The following WRN variants were observed in gnomAD, a reference collection of about 807,000 sequenced individuals.
The protein encoded by WRN is bifunctional 3'-5' exonuclease/ATP-dependent helicase WRN.
A neutral mutation model predicts 180.7 loss-of-function variants in WRN; 149 were observed. That is an observed-to-expected ratio of 0.82 (90% CI 0.72 to 0.94). The LOEUF is 0.94. WRN is among the 40% of genes least tolerant of loss of function. WRN has a pLI of 0.00. For missense variants in WRN, 1,661 were observed against 1,700.1 expected, an observed-to-expected ratio of 0.98 and a Z score of 0.40; for synonymous variants, 548 against 568.9, an observed-to-expected ratio of 0.96 and a Z score of 0.52.
chr8:31,103,337 T>C (rs1217017953), intron 18 of WRN, among the ~76,000 whole-genome samples: 1 of 152,266 alleles, frequency 6.6e-6, no homozygotes, highest in Non-Finnish European at 1.5e-5. Context: ...TCAAGTTATA[T>C]ACTGTATATA....
At chr8:31,163,863 T>G (rs1223373338) in intron 33 of WRN, among the ~76,000 whole-genome samples, 1 of 151,992 alleles carries the variant, frequency 6.6e-6, no homozygotes, top group Non-Finnish European at 1.5e-5. Context: ...TCTTTTTTTT[T>G]TTTTTTTGAG....
chr8:31,049,210 C>CAAAAAAAAAAAAAAA (rs72226104), intron 1 of WRN, among the ~76,000 whole-genome samples: 3 of 31,780 alleles, frequency 9.4e-5, no homozygotes, highest in African/African-American at 1.4e-4. Context: ...GACTCTGTCT[C>CAAAAAAAAAAAAAAA]AAAAAAAAAA....
At chr8:31,051,804 T>G (rs1241084383) in intron 1 of WRN, among the ~76,000 whole-genome samples, 3 of 152,176 alleles carry the variant, frequency 2.0e-5, no homozygotes. Flanking sequence ...GAACTTTCAG[T>G]TTTAGAGCAT....
At chr8:31,162,299 A>C (rs1413224841) in intron 33 of WRN, among the ~76,000 whole-genome samples, 1 of 152,048 alleles carries the variant, frequency 6.6e-6, no homozygotes, top group East Asian at 1.9e-4. Context: ...TTTACTTTTT[A>C]CATTTTTTTT....
chr8:31,137,311 G>GT (rs1237413351), intron 24 of WRN, among the ~76,000 whole-genome samples: 3 of 151,892 alleles, frequency 2.0e-5, no homozygotes, highest in Admixed American at 6.6e-5. Flanking sequence ...CTAATAAATG[G>GT]TTTTTTTATG....
At chr8:31,116,282 A>G (rs1176610070) in intron 19 of WRN, 72 bp from the exon 20 acceptor site, 1 of 1,498,812 alleles carries the variant, frequency 6.7e-7, no homozygotes, top group Non-Finnish European at 9.1e-7. Flanking sequence ...GAATTAAATA[A>G]GATAAAACCA....
At chr8:31,125,970 A>AT (rs1801914342) in intron 23 of WRN, among the ~76,000 whole-genome samples, 1 of 47,918 alleles carries the variant, frequency 2.1e-5, no homozygotes, top group African/African-American at 1.0e-4. Context: ...ACATCATCCT[A>AT]AATATATATA....
At chr8:31,065,797 G>C (rs1338016403) in intron 5 of WRN, among the ~76,000 whole-genome samples, 1 of 151,874 alleles carries the variant, frequency 6.6e-6, no homozygotes, top group African/African-American at 2.4e-5. Context: ...TCTTTCTTTA[G>C]GTCTTTGAGG....
intron 1 of WRN, among the ~76,000 whole-genome samples, chr8:31,056,436 A>G (rs988749442): frequency 4.6e-5 from 7 of 152,220 alleles, no homozygotes; most frequent in Non-Finnish European, 7.3e-5. Flanking sequence ...ATGCTTTACA[A>G]TTAATAAAGC....
In WRN at chr8:31,067,318, T is replaced by A. The variant is rs1342838069; in HGVS notation, c.654+136T>A. On this transcript the variant is annotated intron_variant, in intron 6 of 34. Coordinates refer to ENST00000298139, the MANE Select transcript of WRN (RefSeq NM_000553.6). ...ATATCAATTTGGCATTGAAAAATGC[T>A]TAGGAAGACATTTAGTGAAACTATT... 5 of 1,014,806 alleles carry A rather than the reference T, an allele frequency of 4.9e-6. No homozygotes were observed. The African/African-American group carries it at 6.5e-5, about 13-fold the overall frequency. 62.9% of individuals were successfully genotyped at this position (1,014,806 alleles called of 1,614,324 possible).
At chr8:31,034,856 T>C (rs1054790838) in intron 1 of WRN, among the ~76,000 whole-genome samples, 4 of 152,282 alleles carry the variant, frequency 2.6e-5, no homozygotes, top group Non-Finnish European at 1.5e-5. Flanking sequence ...CTGTAACTCA[T>C]AGGGTATGAG....
intron 33 of WRN, among the ~76,000 whole-genome samples, chr8:31,158,008 G>A (rs1166167296): frequency 6.6e-6 from 1 of 152,162 alleles, no homozygotes; most frequent in African/African-American, 2.4e-5. Context: ...GATTACAGGT[G>A]TGAGCCATGG....
At chr8:31,076,041 A>T (rs1013352016) in intron 7 of WRN, 132 bp from the exon 8 acceptor site, 2 of 743,194 alleles carry the variant, frequency 2.7e-6, no homozygotes, top group African/African-American at 3.5e-5. Context: ...ATTGAATAAG[A>T]AGGTCTTTTT....
intron 16 of WRN, among the ~76,000 whole-genome samples, chr8:31,096,095 T>G (rs1423516029): frequency 6.6e-6 from 1 of 152,232 alleles, no homozygotes; most frequent in Non-Finnish European, 1.5e-5. Flanking sequence ...TTATACCATT[T>G]CCTATGTTAA....
chr8:31,078,914 A>G (rs1440875882), intron 8 of WRN, among the ~76,000 whole-genome samples: 1 of 152,148 alleles, frequency 6.6e-6, no homozygotes, highest in Non-Finnish European at 1.5e-5. Context: ...GGGCCTGATA[A>G]ATGAGCCCTT....
At chr8:31,156,580 T>TA (rs1490310378) in intron 32 of WRN, among the ~76,000 whole-genome samples, 5 of 152,266 alleles carry the variant, frequency 3.3e-5, no homozygotes, top group African/African-American at 1.2e-4. Flanking sequence ...TTAAATGCTC[T>TA]ATTCTGTGAA....
chr8:31,164,050 C>G (rs571085573), intron 33 of WRN, among the ~76,000 whole-genome samples: 31 of 152,144 alleles, frequency 2.0e-4, no homozygotes, highest in Middle Eastern at 3.4e-3. Flanking sequence ...ATTGCCCAGG[C>G]TAGTCTTGAA....
At chr8:31,086,882 T>G (rs1813551806) in intron 11 of WRN, among the ~76,000 whole-genome samples, 1 of 152,124 alleles carries the variant, frequency 6.6e-6, no homozygotes, top group Non-Finnish European at 1.5e-5. Context: ...TATAGGAAAC[T>G]TGTGGACGTC....
At chr8:31,100,729 T>C in intron 17 of WRN, 120 bp from the exon 18 acceptor site, 2 of 807,430 alleles carry the variant, frequency 2.5e-6, no homozygotes, top group Non-Finnish European at 4.0e-6. Flanking sequence ...TTTATGCTTC[T>C]GTTTTTATAG....
Sources: allele counts gnomAD v4.1 joint callset (sites outside exome capture counted in the v4.1 genomes callset), GRCh38; gene constraint gnomAD v4.1.1; transcripts MANE v1.5; gene names NCBI Gene and HGNC (gene_info 2026-07-23, HGNC 2026-07-21).